The following PTPRN2 variants were observed in gnomAD, a reference collection of about 807,000 sequenced individuals.
The protein encoded by PTPRN2 is protein tyrosine phosphatase receptor type N2, also known as receptor-type tyrosine-protein phosphatase N2.
A neutral mutation model predicts 118.8 loss-of-function variants in PTPRN2; 74 were observed. That is an observed-to-expected ratio of 0.62 (90% CI 0.52 to 0.76). The LOEUF (loss-of-function observed/expected upper bound fraction) is 0.76. PTPRN2 is among the 30% of genes least tolerant of loss of function. The pLI is 0.00. For missense variants in PTPRN2, 1,481 were observed against 1,394.4 expected (o/e 1.06, Z -0.99); for synonymous variants, 641 against 608.0 (o/e 1.05, Z -0.80).
At chr7:158,343,253 C>G (rs559509210) in intron 2 of PTPRN2, among the ~76,000 whole-genome samples, 2 of 152,170 alleles carry the variant, frequency 1.3e-5, no homozygotes, top group East Asian at 1.9e-4. Flanking sequence ...CCTGAGTAGA[C>G]TTTTCTCCAG....
At chr7:158,262,802 C>T (rs979013866) in intron 3 of PTPRN2, among the ~76,000 whole-genome samples, 1 of 148,102 alleles carries the variant, frequency 6.8e-6, no homozygotes, top group Non-Finnish European at 1.5e-5. Context: ...CACATTCACA[C>T]ACTACACACA....
chr7:157,861,117 C>T lies in PTPRN2; in HGVS notation c.1788+37556G>A, dbSNP rs936478270. Reference sequence around the variant, plus strand: ...ACACCATGTGGGACCCCAGCACGGGCGCTTTGGGATGTCGGCAGAGGCACG... The same window carrying T: ...ACACCATGTGGGACCCCAGCACGGGTGCTTTGGGATGTCGGCAGAGGCACG... On this transcript the variant is annotated intron_variant, in intron 12 of 22. Coordinates refer to ENST00000389418, the MANE Select transcript of PTPRN2 (RefSeq NM_002847.5). This position sits in a 1 kb window ranked among gnomAD's most constrained non-coding sequence, Gnocchi z 5.8. 3.9e-5 allele frequency among the ~76,000 whole-genome samples: 6 copies of T among 152,204 alleles called. No homozygotes were observed. The highest frequency in any genetic ancestry group is 1.2e-4 in the African/African-American group (5 of 41,460).
At chr7:158,173,346 T>C (rs1293160463) in intron 5 of PTPRN2, among the ~76,000 whole-genome samples, 1 of 152,220 alleles carries the variant, frequency 6.6e-6, no homozygotes, top group Non-Finnish European at 1.5e-5. Flanking sequence ...ATTTTACAGC[T>C]GGGCCTTCAG....
intron 11 of PTPRN2, among the ~76,000 whole-genome samples, chr7:158,071,297 C>G (rs866845355): frequency 6.6e-5 from 4 of 60,634 alleles, no homozygotes; most frequent in East Asian, 5.8e-4. Flanking sequence ...TGGAGGTGCT[C>G]GTGGTGGAGG....
chr7:157,771,371 G>GC lies in PTPRN2; in HGVS notation c.1789-88435dup, dbSNP rs1802792288. Reference sequence around the variant, plus strand: ...GCAGATATAGATTCCTGGGGTACCTGCCCCCCCATTCCCTGTCTCCATCTC... The same window carrying GC: ...GCAGATATAGATTCCTGGGGTACCTGCCCCCCCCATTCCCTGTCTCCATCTC... On this transcript the variant is annotated intron_variant, in intron 12 of 22. Transcript: ENST00000389418. 7.2e-5 allele frequency among the ~76,000 whole-genome samples: 11 copies of GC among 152,222 alleles called. No individual in the cohort carries two copies. In the South Asian group the frequency reaches 2.1e-3, roughly 29 times the overall value.
intron 2 of PTPRN2, among the ~76,000 whole-genome samples, chr7:158,452,326 G>C (rs1228289828): frequency 6.6e-6 from 1 of 152,194 alleles, no homozygotes; most frequent in Non-Finnish European, 1.5e-5. Flanking sequence ...ACATGTATAG[G>C]TTTATTCAGA....
intron 12 of PTPRN2, among the ~76,000 whole-genome samples, chr7:157,746,755 T>A (rs943124981): frequency 6.6e-6 from 1 of 152,198 alleles, no homozygotes; most frequent in Non-Finnish European, 1.5e-5. Context: ...TAAAGGCAGA[T>A]CTCTTCCGTT....
At chr7:158,306,282 C>T (rs1429989920) in intron 3 of PTPRN2, among the ~76,000 whole-genome samples, 4 of 152,204 alleles carry the variant, frequency 2.6e-5, no homozygotes, top group East Asian at 1.9e-4. Flanking sequence ...TGACACGATC[C>T]TTGGAATATG....
chr7:157,941,622 A>G (rs920023), intron 11 of PTPRN2, among the ~76,000 whole-genome samples: 57,926 of 152,162 alleles, frequency 0.38, 13,239 homozygotes, highest in East Asian at 0.63. Context: ...GCTCCTGGCC[A>G]TCTGTGCAGG....
chr7:157,579,878 T>G (rs1244242699), intron 17 of PTPRN2, among the ~76,000 whole-genome samples: 1 of 152,222 alleles, frequency 6.6e-6, no homozygotes, highest in East Asian at 1.9e-4. Context: ...ATGGAACTGA[T>G]TACATTATCT....
intron 6 of PTPRN2, among the ~76,000 whole-genome samples, chr7:158,153,082 G>A (rs1270135867): frequency 6.6e-6 from 1 of 152,092 alleles, no homozygotes; most frequent in Admixed American, 6.6e-5. Context: ...CCGACTGGGG[G>A]GACAAGAGCA....
chr7:157,688,755 C>T (rs1364836339), intron 12 of PTPRN2, among the ~76,000 whole-genome samples: 1 of 152,234 alleles, frequency 6.6e-6, no homozygotes, highest in Non-Finnish European at 1.5e-5. Flanking sequence ...CAGAACCCCT[C>T]TGTGGCACGA....
intron 11 of PTPRN2, among the ~76,000 whole-genome samples, chr7:157,908,030 G>A (rs891687035): frequency 2.6e-5 from 4 of 152,208 alleles, no homozygotes; most frequent in African/African-American, 4.8e-5. Context: ...CCGCAGAGCC[G>A]CCTTTATTCT....
At chr7:158,085,297 G>A (rs1464867952) in intron 10 of PTPRN2, among the ~76,000 whole-genome samples, 14 of 94,140 alleles carry the variant, frequency 1.5e-4, no homozygotes, top group African/African-American at 3.1e-4. Context: ...CACCCACGAC[G>A]CCCATCCACA....
At chr7:158,395,738 A>AGGGGTGAGGCGC in intron 2 of PTPRN2, among the ~76,000 whole-genome samples, 1 of 10,248 alleles carries the variant, frequency 9.8e-5, no homozygotes, top group South Asian at 3.6e-3. Context: ...GGGAGAGGGG[A>AGGGGTGAGGCGC]GAGGGGCGAG....
intron 2 of PTPRN2, among the ~76,000 whole-genome samples, chr7:158,326,672 A>C (rs1302827015): frequency 6.6e-6 from 1 of 151,000 alleles, no homozygotes; most frequent in African/African-American, 2.4e-5. Context: ...TCACATGCAC[A>C]CACATGCACA....
intron 2 of PTPRN2, among the ~76,000 whole-genome samples, chr7:158,351,502 AAAGT>A (rs576018019): frequency 7.4e-4 from 113 of 152,332 alleles, no homozygotes; most frequent in African/African-American, 2.6e-3. Context: ...CCCATTTGTG[AAAGT>A]AAGTGGCCTT....
chr7:157,809,536 G>A (rs574326004), intron 12 of PTPRN2, among the ~76,000 whole-genome samples: 1 of 152,316 alleles, frequency 6.6e-6, no homozygotes, highest in South Asian at 2.1e-4. Flanking sequence ...AGTGAATGCC[G>A]CCTTCTGGAC....
chr7:158,138,437 T>C lies in PTPRN2; in HGVS notation c.989A>G (p.Asp330Gly), dbSNP rs1403254240. The C allele has an allele frequency of 3.1e-6, 5 of 1,613,380 alleles. No individual in the cohort carries two copies. The highest frequency in any genetic ancestry group is 3.3e-5 in the Admixed American group (2 of 60,030). ...EVRGLSGLEL[D>G]GMAELMAGLM... ...GCCAGCCATCAGCTCAGCCATGCCG[T>C]CCAGCTCCAGGCCACTCAGGCCCCT... Residue 330 changes from aspartate to glycine, a missense_variant, in exon 7 of 23, where the codon GAC (aspartate) becomes GGC (glycine). This residue lies in a region of PTPRN2 where 1,115 missense variants were observed against 994.2 expected (regional missense o/e 1.12). Transcript: ENST00000389418.
Sources: allele counts gnomAD v4.1 joint callset (sites outside exome capture counted in the v4.1 genomes callset), GRCh38; gene constraint gnomAD v4.1.1; regional missense constraint gnomAD v4.1.1; non-coding constraint Gnocchi (gnomAD v3.1); transcripts MANE v1.5; gene names NCBI Gene and HGNC (gene_info 2026-07-23, HGNC 2026-07-21).